PCDHA11: variants seen among roughly 807,000 people sequenced by gnomAD.
The protein encoded by PCDHA11 is protocadherin alpha-11.
In PCDHA11, 61 loss-of-function variants were observed where a neutral mutation model predicts 70.3. The observed-to-expected ratio is 0.87, with a 90% CI of 0.71 to 1.07. The LOEUF is 1.07. Ranked by LOEUF, PCDHA11 falls within the 50% of genes least tolerant of loss-of-function variation. The pLI is 0.00. For synonymous variants in PCDHA11, 633 were observed against 555.1 expected (o/e 1.14, Z -1.97); for missense variants, 1,324 against 1,237.5 (o/e 1.07, Z -1.05).
At chr5:140,877,681 C>T (rs1554169975) in intron 1 of PCDHA11, 2 of 1,613,678 alleles carry the variant, frequency 1.2e-6, no homozygotes, top group Non-Finnish European at 1.7e-6. Context: ...GCCGGGCAAG[C>T]CCACGCTGGT....
At chr5:140,890,530 T>G (rs2062685019) in intron 1 of PCDHA11, among the ~76,000 whole-genome samples, 1 of 152,222 alleles carries the variant, frequency 6.6e-6, no homozygotes. Flanking sequence ...TTGTTGATCT[T>G]CTTTTGAAAT....
intron 1 of PCDHA11, chr5:140,927,229 C>G (rs781833160): frequency 1.2e-6 from 2 of 1,614,008 alleles, no homozygotes; most frequent in African/African-American, 1.3e-5. Context: ...GATTCGGATT[C>G]ACGTCCTGGA....
chr5:140,956,189 A>C (rs2095264873), intron 1 of PCDHA11, among the ~76,000 whole-genome samples: 1 of 152,142 alleles, frequency 6.6e-6, no homozygotes, highest in South Asian at 2.1e-4. Context: ...ACTATGCTGA[A>C]TAGGAGTGGT....
chr5:140,932,261 T>C (rs1554208805), intron 1 of PCDHA11, among the ~76,000 whole-genome samples: 1 of 151,922 alleles, frequency 6.6e-6, no homozygotes, highest in East Asian at 1.9e-4. Context: ...CTCTGAGATA[T>C]AAATTTCTAC....
At chr5:140,956,906 A>G (rs2095319439) in intron 1 of PCDHA11, among the ~76,000 whole-genome samples, 1 of 152,218 alleles carries the variant, frequency 6.6e-6, no homozygotes, top group Non-Finnish European at 1.5e-5. Flanking sequence ...TCTTAAATGT[A>G]TAAACTTTAA....
intron 1 of PCDHA11, among the ~76,000 whole-genome samples, chr5:140,973,915 A>T (rs1401328396): frequency 2.0e-5 from 3 of 152,242 alleles, no homozygotes; most frequent in African/African-American, 7.2e-5. Context: ...CATTCCTGTC[A>T]CCAAACCCAG....
At position 140,940,270 on chromosome 5, in the gene PCDHA11, G is replaced by A. The variant is rs1236320412; in HGVS notation, c.2392-38679G>A. Among the ~76,000 whole-genome samples, 4 of 152,094 alleles carry A rather than the reference G, an allele frequency of 2.6e-5. No homozygotes were observed. In the East Asian group the frequency reaches 7.7e-4, roughly 29 times the overall value. ...TCCTCAATATCTTCTGGGTTCCACT[G>A]TTGTCTCATTGTGCTGCTTCATCAG... On this transcript the variant is annotated intron_variant, in intron 1 of 3. Transcript: ENST00000398640.
intron 1 of PCDHA11, among the ~76,000 whole-genome samples, chr5:140,953,460 G>A (rs1025295552): frequency 1.3e-5 from 2 of 152,116 alleles, no homozygotes; most frequent in Non-Finnish European, 2.9e-5. Context: ...ATCTGTCAGA[G>A]TTTTAACTTC....
chr5:140,968,363 G>T (rs1448494733), intron 1 of PCDHA11: 1 of 1,614,090 alleles, frequency 6.2e-7, no homozygotes, highest in East Asian at 2.2e-5. Context: ...CAGCCTTTAT[G>T]CTGTCAACTC....
intron 1 of PCDHA11, chr5:140,881,249 A>G (rs1582554645): frequency 2.3e-6 from 1 of 434,858 alleles, no homozygotes; most frequent in Non-Finnish European, 3.1e-6. Context: ...AATGACGGCA[A>G]GGTTTTACTC....
intron 1 of PCDHA11, among the ~76,000 whole-genome samples, chr5:140,889,933 A>T (rs1034906344): frequency 7.9e-5 from 12 of 152,188 alleles, no homozygotes; most frequent in African/African-American, 2.9e-4. Context: ...CTCAAGCTGG[A>T]CTTGTGAGAA....
At chr5:140,991,535 A>G (rs1323346658) in intron 3 of PCDHA11, among the ~76,000 whole-genome samples, 4 of 152,244 alleles carry the variant, frequency 2.6e-5, no homozygotes, top group South Asian at 4.1e-4. Context: ...TTGCCACTAT[A>G]TAACAAGGAT....
intron 1 of PCDHA11, among the ~76,000 whole-genome samples, chr5:140,920,671 C>T (rs1218067284): frequency 2.0e-5 from 3 of 151,960 alleles, no homozygotes; most frequent in African/African-American, 7.3e-5. Flanking sequence ...TGGTGAAACC[C>T]CATCTCTACT....
chr5:140,916,193 C>T lies in PCDHA11; in HGVS notation c.2391+44699C>T, dbSNP rs536117096. On this transcript the variant is annotated intron_variant, in intron 1 of 3. Transcript: ENST00000398640. ...CTGGGACTCTTCAAGGAAGTGGGCACCCCTCTGCCCTGGGGAAGATCCAAA... is the reference window on the plus strand; with the variant it reads ...CTGGGACTCTTCAAGGAAGTGGGCATCCCTCTGCCCTGGGGAAGATCCAAA... 1.6e-4 allele frequency among the ~76,000 whole-genome samples: 25 copies of T among 152,256 alleles called. No individual in the cohort carries two copies. In the South Asian group the frequency reaches 5.0e-3, roughly 30 times the overall value.
intron 3 of PCDHA11, among the ~76,000 whole-genome samples, chr5:140,995,371 C>T (rs143381591): frequency 1.3e-5 from 2 of 152,238 alleles, no homozygotes; most frequent in African/African-American, 2.4e-5. Flanking sequence ...GGATGATTCA[C>T]GTACTGGGCA....
At chr5:140,888,972 G>A (rs900678700) in intron 1 of PCDHA11, among the ~76,000 whole-genome samples, 15 of 151,928 alleles carry the variant, frequency 9.9e-5, no homozygotes, top group Non-Finnish European at 4.4e-5. Context: ...TTAATGTGTT[G>A]AATTTATGAT....
At chr5:140,886,254 CTATT>C (rs1407308299) in intron 1 of PCDHA11, among the ~76,000 whole-genome samples, 1 of 151,720 alleles carries the variant, frequency 6.6e-6, no homozygotes, top group African/African-American at 2.4e-5. Context: ...AAAAGTATCT[CTATT>C]TATAGATAAA....
At chr5:140,917,324 C>CGGGGGGGG (rs1299895515) in intron 1 of PCDHA11, among the ~76,000 whole-genome samples, 1 of 76,104 alleles carries the variant, frequency 1.3e-5, no homozygotes, top group Non-Finnish European at 2.9e-5. Context: ...GTTCATGTGG[C>CGGGGGGGG]GGGGGAGGGG....
At chr5:140,960,446 T>C (rs1563310715) in intron 1 of PCDHA11, among the ~76,000 whole-genome samples, 2 of 152,204 alleles carry the variant, frequency 1.3e-5, no homozygotes, top group African/African-American at 4.8e-5. Context: ...GATATATGTA[T>C]GGATAATTTT....
Sources: gnomAD v4.1 joint callset for allele counts (sites outside exome capture counted in the v4.1 genomes callset) on GRCh38, gnomAD v4.1.1 for gene constraint, MANE v1.5 for transcripts, NCBI Gene and HGNC (gene_info 2026-07-23, HGNC 2026-07-21) for gene names.